The following RERE variants were observed in gnomAD, a reference collection of about 807,000 sequenced individuals.
The protein encoded by RERE is arginine-glutamic acid dipeptide repeats protein.
A neutral mutation model predicts 146.1 loss-of-function variants in RERE; 40 were observed. The observed-to-expected ratio is 0.27, with a 90% CI of 0.21 to 0.36. The LOEUF is 0.36. RERE is among the 10% of genes least tolerant of loss of function. The pLI, the probability that RERE is intolerant of heterozygous loss-of-function variation, is 1.00. For synonymous variants in RERE, 1,003 were observed against 866.0 expected, an observed-to-expected ratio of 1.16 and a Z score of -2.78; for missense variants, 1,933 against 2,138.7, an observed-to-expected ratio of 0.90 and a Z score of 1.90.
intron 1 of RERE, among the ~76,000 whole-genome samples, chr1:8,801,869 A>G (rs1230499376): frequency 2.0e-5 from 3 of 152,242 alleles, no homozygotes; most frequent in Non-Finnish European, 4.4e-5. Context: ...AGACAATTTA[A>G]CTGTCCATCA....
chr1:8,387,647 T>C (rs1043713771), intron 12 of RERE, among the ~76,000 whole-genome samples: 1 of 152,136 alleles, frequency 6.6e-6, no homozygotes, highest in East Asian at 1.9e-4. Flanking sequence ...ATATAGGCCC[T>C]TCATAAAGAG....
rs567292226 is a variant in RERE, at chr1:8,471,674, G to A, written c.1105-5651C>T. ...CTTACAGGCATGCGCCACCATGCCT[G>A]GCTAATTTTTTTTATTTTTTGTAGA... On this transcript the variant is annotated intron_variant, in intron 10 of 22. Coordinates refer to ENST00000400908, the MANE Select transcript of RERE (RefSeq NM_001042681.2). Among the ~76,000 whole-genome samples the A allele has an allele frequency of 3.9e-5, 6 of 152,156 alleles. No homozygotes were observed. In the East Asian group the frequency reaches 9.7e-4, roughly 24 times the overall value.
chr1:8,433,600 T>TG (rs1644125796), intron 11 of RERE, among the ~76,000 whole-genome samples: 1 of 146,274 alleles, frequency 6.8e-6, no homozygotes, highest in African/African-American at 2.6e-5. Context: ...GTCGCCCAGG[T>TG]CGGACTGCGG....
intron 1 of RERE, among the ~76,000 whole-genome samples, chr1:8,735,432 C>G (rs1362143503): frequency 6.6e-6 from 1 of 152,210 alleles, no homozygotes. Context: ...ATATGTACAT[C>G]TCTTTGTTAC....
intron 12 of RERE, among the ~76,000 whole-genome samples, chr1:8,422,460 C>G (rs936100938): frequency 7.9e-5 from 12 of 152,170 alleles, no homozygotes; most frequent in African/African-American, 2.9e-4. Flanking sequence ...CACAACTAAC[C>G]CTCTGTTCCC....
At chr1:8,451,759 T>TG (rs1644393675) in intron 11 of RERE, among the ~76,000 whole-genome samples, 1 of 152,138 alleles carries the variant, frequency 6.6e-6, no homozygotes, top group African/African-American at 2.4e-5. Context: ...TGCTCTGACT[T>TG]GCTGGGGTAC....
intron 13 of RERE, 58 bp downstream of exon 13, chr1:8,365,754 C>G: frequency 6.3e-7 from 1 of 1,588,678 alleles, no homozygotes; most frequent in African/African-American, 1.3e-5. Context: ...CAGAGTGGGA[C>G]AGGCTGCCCG....
intron 4 of RERE, among the ~76,000 whole-genome samples, chr1:8,612,123 A>C (rs1490394250): frequency 2.6e-5 from 4 of 152,264 alleles, no homozygotes; most frequent in Non-Finnish European, 5.9e-5. Flanking sequence ...AAGAAAGTTA[A>C]ATTATGATGC....
chr1:8,435,264 C>T (rs1570233748), intron 11 of RERE, among the ~76,000 whole-genome samples: 1 of 152,196 alleles, frequency 6.6e-6, no homozygotes. Context: ...ATATAGGCTA[C>T]GTTACTGAAT....
chr1:8,648,011 G>C (rs1647409357), intron 2 of RERE, among the ~76,000 whole-genome samples: 1 of 152,154 alleles, frequency 6.6e-6, no homozygotes, highest in African/African-American at 2.4e-5. Context: ...GCAAAATGCA[G>C]TAAATTTTCA....
intron 1 of RERE, among the ~76,000 whole-genome samples, chr1:8,732,808 CTTTTTTTTTTTTTTT>C (rs59337140): frequency 2.4e-4 from 16 of 65,698 alleles, no homozygotes; most frequent in African/African-American, 6.0e-4. Context: ...TTCAATTTTT[CTTTTTTTTTTTTTTT>C]TTTTTTTTTT....
rs528425941 is a variant in RERE at position 8,681,882 on chromosome 1, A to G, written c.-144-25441T>C. 4.6e-5 allele frequency among the ~76,000 whole-genome samples: 7 copies of G among 152,326 alleles called. No homozygotes were observed. In the East Asian group the frequency reaches 1.3e-3, roughly 29 times the overall value. The stretch of plus-strand genomic sequence containing the variant: ...GAAATTGATTCTTTTATATCCTAAT[A>G]TTCATATTGAGAGATCTGGGCAAAT... On this transcript the variant is annotated intron_variant, in intron 1 of 22. Transcript: ENST00000400908.
At chr1:8,501,718 T>G (rs1278528503) in intron 8 of RERE, among the ~76,000 whole-genome samples, 1 of 79,748 alleles carries the variant, frequency 1.3e-5, no homozygotes, top group Non-Finnish European at 2.6e-5. Flanking sequence ...AGGTGGGGGG[T>G]CAGCCCCCCG....
chr1:8,497,554 A>G, intron 8 of RERE, 25 bp from the exon 9 acceptor site: 1 of 1,613,270 alleles, frequency 6.2e-7, no homozygotes, highest in East Asian at 2.2e-5. Flanking sequence ...TGAGTAAGTC[A>G]CAATCAAGGC....
chr1:8,676,468 A>C (rs1638842994), intron 1 of RERE, among the ~76,000 whole-genome samples: 1 of 151,948 alleles, frequency 6.6e-6, no homozygotes. Flanking sequence ...ATATTTTTTT[A>C]CACTAAAAAA....
At chr1:8,757,597 TC>T (rs763012989) in intron 1 of RERE, among the ~76,000 whole-genome samples, 3 of 150,722 alleles carry the variant, frequency 2.0e-5, no homozygotes, top group Non-Finnish European at 4.4e-5. Context: ...CTTTCTCAAC[TC>T]CTCCCACAGC....
chr1:8,386,010 ATATATATATATATTTTTTTTTTTT>A (rs1642653223), intron 12 of RERE, among the ~76,000 whole-genome samples: 6 of 44,072 alleles, frequency 1.4e-4, no homozygotes, highest in African/African-American at 4.4e-4. Context: ...ATATATATAT[ATATATATATATATTTTTTTTTTTT>A]TTTTTTTTTT....
At chr1:8,525,607 A>G (rs1285017784) in intron 7 of RERE, among the ~76,000 whole-genome samples, 3 of 152,228 alleles carry the variant, frequency 2.0e-5, no homozygotes, top group Non-Finnish European at 2.9e-5. Context: ...TTTACGCTTC[A>G]CAATACCACC....
chr1:8,523,608 A>G (rs1645533210), intron 7 of RERE, among the ~76,000 whole-genome samples: 1 of 152,228 alleles, frequency 6.6e-6, no homozygotes, highest in Non-Finnish European at 1.5e-5. Flanking sequence ...AGCCTTTAGC[A>G]TTCCAAAAAA....
Sources: gnomAD v4.1 joint callset for allele counts (sites outside exome capture counted in the v4.1 genomes callset) on GRCh38, gnomAD v4.1.1 for gene constraint, MANE v1.5 for transcripts, NCBI Gene and HGNC (gene_info 2026-07-23, HGNC 2026-07-21) for gene names.